The following EPS15 variants were observed in gnomAD, a reference collection of about 807,000 sequenced individuals.
The protein encoded by EPS15 is epidermal growth factor receptor pathway substrate 15.
EPS15 carries 72 observed loss-of-function variants against 113.8 expected under a neutral mutation model. The ratio of observed to expected loss-of-function variants is 0.63; its 90% CI spans 0.52 to 0.77. The LOEUF is 0.77. EPS15 is among the 30% of genes least tolerant of loss of function. The pLI is 0.00. For synonymous variants in EPS15, 344 were observed against 363.4 expected (o/e 0.95, Z 0.61); for missense variants, 1,048 against 1,045.8 (o/e 1.00, Z -0.03).
intron 20 of EPS15, chr1:51,397,338 T>C (rs1648052763): frequency 6.6e-6 from 1 of 152,194 alleles, no homozygotes; most frequent in Non-Finnish European, 1.5e-5. Context: ...ATGGTGAAAT[T>C]ACAAGCTGTA....
At chr1:51,471,842 G>C (rs1418596720) in intron 3 of EPS15, 105 bp from the exon 4 acceptor site, 2 of 841,866 alleles carry the variant, frequency 2.4e-6, no homozygotes, top group Admixed American at 2.2e-5. Context: ...CTGGTAATCA[G>C]ATCTAAGAAT....
intron 13 of EPS15, among the ~76,000 whole-genome samples, chr1:51,417,680 A>G (rs1292206999): frequency 6.6e-6 from 1 of 152,236 alleles, no homozygotes; most frequent in African/African-American, 2.4e-5. Context: ...AGAGAAGGGA[A>G]AGTTTAAGAC....
chr1:51,416,472 G>T (rs1650232560), intron 13 of EPS15, among the ~76,000 whole-genome samples: 1 of 152,134 alleles, frequency 6.6e-6, no homozygotes, highest in African/African-American at 2.4e-5. Context: ...CATATCCGAG[G>T]TTACTCATCT....
At chr1:51,505,168 C>A (rs904089062) in intron 1 of EPS15, among the ~76,000 whole-genome samples, 3 of 151,602 alleles carry the variant, frequency 2.0e-5, no homozygotes, top group African/African-American at 7.3e-5. Context: ...ACAGAATTTC[C>A]ACATGACCAG....
In EPS15 at chr1:51,468,464, A is replaced by T; in HGVS notation, c.309+9T>A. The T allele has an allele frequency of 6.4e-7, 1 of 1,562,198 alleles. No individual in the cohort carries two copies. The highest frequency in any genetic ancestry group is 1.1e-5 in the South Asian group (1 of 89,942). On this transcript the variant is annotated intron_variant, in intron 5 of 24. Coordinates refer to ENST00000371733, the MANE Select transcript of EPS15 (RefSeq NM_001981.3). The stretch of plus-strand genomic sequence containing the variant: ...TTAAATACAATTTAAATCTAAAAGC[A>T]TTTCTTACAAATCTTGGTGGAGGAA...
intron 16 of EPS15, among the ~76,000 whole-genome samples, chr1:51,403,837 C>T (rs1648823267): frequency 2.6e-5 from 4 of 152,154 alleles, no homozygotes; most frequent in Non-Finnish European, 5.9e-5. Context: ...CTATCAATCA[C>T]TTATAGTACT....
intron 2 of EPS15, among the ~76,000 whole-genome samples, chr1:51,476,595 T>TTTA (rs977265056): frequency 5.3e-5 from 8 of 152,322 alleles, no homozygotes; most frequent in Non-Finnish European, 1.0e-4. Flanking sequence ...TCTTTTCTTC[T>TTTA]TTATTAGTCT....
At chr1:51,434,371 G>A (rs1238142340) in intron 12 of EPS15, among the ~76,000 whole-genome samples, 1 of 152,186 alleles carries the variant, frequency 6.6e-6, no homozygotes, top group Non-Finnish European at 1.5e-5. Context: ...CCTGAAAAAG[G>A]AAGGAAATTC....
intron 21 of EPS15, among the ~76,000 whole-genome samples, chr1:51,384,142 A>G (rs1316795983): frequency 1.3e-5 from 2 of 152,158 alleles, no homozygotes; most frequent in East Asian, 3.8e-4. Context: ...TTAAGTTGGT[A>G]ATATTACCCA....
intron 21 of EPS15, among the ~76,000 whole-genome samples, chr1:51,389,285 T>C (rs771425796): frequency 0.062 from 9,383 of 151,992 alleles, 304 homozygotes; most frequent in Non-Finnish European, 0.074. Flanking sequence ...ATGCTAAAAA[T>C]TCTCAATAAA....
At position 51,463,699 on chromosome 1, in the gene EPS15, T is replaced by C; in HGVS notation, c.475A>G (p.Lys159Glu). ...DKVKPVLLNS[K>E]LPVDILGRVW... ...CTTCCAAGGATATCCACAGGTAACT[T>C]AGAGTTGAGCAACACTGGTTTCACT... is the stretch of plus-strand genomic sequence containing the variant. The change falls in exon 7 of 25, where the codon AAG becomes GAG. Residue 159 changes from lysine to glutamate, a missense_variant. Coordinates refer to ENST00000371733, the MANE Select transcript of EPS15 (RefSeq NM_001981.3). The C allele has an allele frequency of 6.3e-7, 1 of 1,598,794 alleles. No individual in the cohort carries two copies. Among genetic ancestry groups the C allele is most frequent in the Non-Finnish European group, 8.6e-7 (1 of 1,167,188 alleles).
intron 12 of EPS15, among the ~76,000 whole-genome samples, chr1:51,426,574 C>T (rs1651214529): frequency 6.6e-6 from 1 of 151,378 alleles, no homozygotes; most frequent in Non-Finnish European, 1.5e-5. Flanking sequence ...GTGAGATTAA[C>T]ATTTAAATCG....
chr1:51,399,648 CAGGAGTTT>C (rs1353418777), intron 19 of EPS15, among the ~76,000 whole-genome samples: 1 of 151,458 alleles, frequency 6.6e-6, no homozygotes, highest in Non-Finnish European at 1.5e-5. Flanking sequence ...GACTTGAGCT[CAGGAGTTT>C]AAGACCGGCC....
intron 12 of EPS15, among the ~76,000 whole-genome samples, chr1:51,429,382 A>T (rs1289964030): frequency 6.6e-6 from 1 of 152,086 alleles, no homozygotes; most frequent in Non-Finnish European, 1.5e-5. Context: ...AATTTTAACC[A>T]CTTTAAGTGT....
At chr1:51,463,869 G>A (rs774438720) in intron 6 of EPS15, 71 bp from the exon 7 acceptor site, 201 of 919,892 alleles carry the variant, frequency 2.2e-4, no homozygotes, top group Non-Finnish European at 2.9e-4. Flanking sequence ...TAAAAATCAA[G>A]TCCTTAAAGA....
At chr1:51,398,279 T>C (rs1290021153) in intron 20 of EPS15, among the ~76,000 whole-genome samples, 2 of 152,134 alleles carry the variant, frequency 1.3e-5, no homozygotes, top group African/African-American at 4.8e-5. Context: ...GGTCTCGATC[T>C]CCTGACCTCG....
intron 12 of EPS15, among the ~76,000 whole-genome samples, chr1:51,427,112 A>G (rs1651289791): frequency 6.6e-6 from 1 of 152,118 alleles, no homozygotes; most frequent in African/African-American, 2.4e-5. Flanking sequence ...ACAACTGCAT[A>G]CAGGATTACA....
intron 2 of EPS15, among the ~76,000 whole-genome samples, chr1:51,475,785 T>A (rs1655632071): frequency 6.6e-6 from 1 of 152,176 alleles, no homozygotes; most frequent in Admixed American, 6.5e-5. Context: ...ATTGCCTAGG[T>A]TTTCTTCTAG....
intron 8 of EPS15, 91 bp downstream of exon 8, chr1:51,461,000 A>G: frequency 1.2e-6 from 1 of 837,804 alleles, no homozygotes; most frequent in Non-Finnish European, 2.0e-6. Context: ...ATGAGAATAT[A>G]GTTTTCCTCT....
Sources: gnomAD v4.1 joint callset for allele counts (sites outside exome capture counted in the v4.1 genomes callset) on GRCh38, gnomAD v4.1.1 for gene constraint, MANE v1.5 for transcripts, NCBI Gene and HGNC (gene_info 2026-07-23, HGNC 2026-07-21) for gene names.